Variants in SEMA6B observed in about 807,000 individuals in gnomAD.
SEMA6B encodes the protein semaphorin 6B.
In SEMA6B, 47 loss-of-function variants were observed where a neutral mutation model predicts 78.6. The observed-to-expected ratio is 0.60, with a 90% CI of 0.47 to 0.76. The LOEUF (loss-of-function observed/expected upper bound fraction) is 0.76, where lower values mean the gene tolerates loss of function less well. SEMA6B is among the 30% of genes least tolerant of loss of function. The pLI, the probability that SEMA6B is intolerant of heterozygous loss-of-function variation, is 0.00. For synonymous variants in SEMA6B, 632 were observed against 592.2 expected (o/e 1.07, Z -0.98); for missense variants, 1,213 against 1,269.9 (o/e 0.96, Z 0.68).
At chr19:4,556,873 C>T (rs1296882904) in intron 5 of SEMA6B, 78 bp downstream of exon 5, 2 of 1,368,860 alleles carry the variant, frequency 1.5e-6, no homozygotes, top group Non-Finnish European at 2.0e-6. Flanking sequence ...GTGGGCGTGG[C>T]CTGGTCTGAT....
At position 4,557,018 on chromosome 19, in the gene SEMA6B, A is replaced by G. The variant is rs1436101086; in HGVS notation, c.307-5T>C. 2.5e-6 allele frequency: 4 copies of G among 1,612,346 alleles called. No individual in the cohort carries two copies. In the East Asian group the frequency reaches 8.9e-5, roughly 36 times the overall value. On this transcript the variant is annotated splice_polypyrimidine_tract_variant and splice_region_variant and intron_variant, in intron 4 of 16. Coordinates refer to ENST00000586582, the MANE Select transcript of SEMA6B (RefSeq NM_032108.4). Reference sequence around the variant, plus strand: ...GTTAGATCTCCAGGTCAGCTTCTGCAGACAGAGAGAGCTGGTGAGGGGGTA... The same window carrying G: ...GTTAGATCTCCAGGTCAGCTTCTGCGGACAGAGAGAGCTGGTGAGGGGGTA...
At position 4,558,285 on chromosome 19, in the gene SEMA6B, C is replaced by T; in HGVS notation, c.121+52G>A. 7.6e-7 allele frequency: 1 copy of T among 1,310,782 alleles called. No individual in the cohort carries two copies. The highest frequency in any genetic ancestry group is 9.8e-7 in the Non-Finnish European group (1 of 1,019,900). 81.2% of individuals were successfully genotyped at this position (1,310,782 alleles called of 1,614,324 possible). On this transcript the variant is annotated intron_variant, in intron 2 of 16. Transcript: ENST00000586582. This position sits in a 1 kb window ranked among gnomAD's most constrained non-coding sequence, Gnocchi z 5.1. ...GGGGGCAGCAGACCCAACTGGGAAC[C>T]CAGATACTCCCACGGGACTCCACCC...
chr19:4,546,095 CTGA>C (rs1977156854), intron 16 of SEMA6B, 118 bp downstream of exon 16: 1 of 1,071,256 alleles, frequency 9.3e-7, no homozygotes, highest in South Asian at 1.6e-5. Context: ...CTAAAGTTCT[CTGA>C]TGGAGTCCAG....
rs1977281415 is a variant in SEMA6B, at chr19:4,550,088, C to T, written c.1271+35G>A. ...TCACCCTCCATCTACCCCATCCTGTCTCCCCTCGCCATGCCCTGCCTCTCC... is the reference window on the plus strand; with the variant it reads ...TCACCCTCCATCTACCCCATCCTGTTTCCCCTCGCCATGCCCTGCCTCTCC... On this transcript the variant is annotated intron_variant, in intron 12 of 16. Transcript: ENST00000586582. The surrounding 1 kb of genome is among the most constrained non-coding windows in gnomAD (Gnocchi z 6.6). 2 of 1,608,216 alleles carry T rather than the reference C, an allele frequency of 1.2e-6. No homozygotes were observed. Among genetic ancestry groups the T allele is most frequent in the African/African-American group, 1.3e-5 (1 of 74,850 alleles).
chr19:4,556,587 G>A (rs182257265), intron 5 of SEMA6B, among the ~76,000 whole-genome samples: 15 of 151,734 alleles, frequency 9.9e-5, no homozygotes, highest in Admixed American at 5.9e-4. Flanking sequence ...CGATTGGGTG[G>A]GGAGTGAGCT....
rs2145341156 is a variant in SEMA6B at position 4,543,557 on chromosome 19, G to T, written c.*44C>A. On this transcript the variant is annotated 3_prime_UTR_variant, in exon 17 of 17. Coordinates refer to ENST00000586582, the MANE Select transcript of SEMA6B (RefSeq NM_032108.4). ...CGTTCTGGCACCGTCTCTCGCTCCT[G>T]GTTCCCGTGGCTGGCACTGCCAAGG... 3.7e-6 allele frequency: 4 copies of T among 1,066,700 alleles called. 1 individual carries two copies. The South Asian group carries it at 1.9e-4, about 49-fold the overall frequency. The allele number at this position is 1,066,700 out of a possible 1,614,324, so 66.1% of individuals were successfully genotyped here.
chr19:4,543,412 G>A lies in SEMA6B; in HGVS notation c.*189C>T, dbSNP rs2145340918. The A allele has an allele frequency of 2.2e-5, 3 of 138,394 alleles. No individual in the cohort carries two copies. The highest frequency in any genetic ancestry group is 3.1e-3 in the Middle Eastern group (1 of 326). The allele number at this position is 138,394 out of a possible 1,614,324, so 8.6% of individuals were successfully genotyped here. On this transcript the variant is annotated 3_prime_UTR_variant, in exon 17 of 17. Coordinates refer to ENST00000586582, the MANE Select transcript of SEMA6B (RefSeq NM_032108.4). Reference sequence around the variant, plus strand: ...CCCCCAAACCGTCTCAGCGTCCTGCGGCCCCGGGTAGGGGGAGGGCGAGCT... The same window carrying A: ...CCCCCAAACCGTCTCAGCGTCCTGCAGCCCCGGGTAGGGGGAGGGCGAGCT...
Position 4,550,276 on chromosome 19 carries a change from G to A in SEMA6B, c.1122-4C>T, listed in dbSNP as rs1159277116. Reference sequence around the variant, plus strand: ...GGGGGCTGCGCAGCACCCGGGCCTGGGGGTGACAAGGGTGTGGTCAGGACG... The same window carrying A: ...GGGGGCTGCGCAGCACCCGGGCCTGAGGGTGACAAGGGTGTGGTCAGGACG... On this transcript the variant is annotated splice_region_variant and splice_polypyrimidine_tract_variant and intron_variant, in intron 11 of 16. Coordinates refer to ENST00000586582, the MANE Select transcript of SEMA6B (RefSeq NM_032108.4). This position sits in a 1 kb window ranked among gnomAD's most constrained non-coding sequence, Gnocchi z 6.6. The A allele has an allele frequency of 3.1e-6, 5 of 1,613,568 alleles. No homozygotes were observed. The highest frequency in any genetic ancestry group is 2.2e-5 in the South Asian group (2 of 91,088).
In SEMA6B at chr19:4,543,977, G is replaced by A. The variant is rs1160053425; in HGVS notation, c.2291C>T (p.Ala764Val). The A allele has an allele frequency of 1.7e-6, 2 of 1,204,048 alleles. No individual in the cohort carries two copies. Among genetic ancestry groups the A allele is most frequent in the African/African-American group, 1.6e-5 (1 of 62,972 alleles). The allele number at this position is 1,204,048 out of a possible 1,614,324, so 74.6% of individuals were successfully genotyped here. ...APARAPEQPP[A>V]PGEPTPDGRL... is the part of the protein sequence containing the mutation. The stretch of plus-strand genomic sequence containing the variant: ...GCCGTCGGGGGTCGGCTCCCCAGGC[G>A]CGGGGGGCTGCTCGGGGGCCCGGGC... Residue 764 changes from alanine (A) to valine (V), a missense_variant, in exon 17 of 17, where the codon GCG (alanine) becomes GTG (valine). Ala to Val is a moderately conservative substitution (Grantham distance 64, BLOSUM62 0). Transcript: ENST00000586582.
intron 5 of SEMA6B, 118 bp downstream of exon 5, chr19:4,556,833 G>A: frequency 3.3e-6 from 3 of 896,056 alleles, no homozygotes; most frequent in Non-Finnish European, 3.4e-6. Context: ...CTGATTGGGG[G>A]TGGGTTGGGG....
In SEMA6B at chr19:4,552,382, A is replaced by G. The variant is rs749074749; in HGVS notation, c.989+40T>C. On this transcript the variant is annotated intron_variant, in intron 10 of 16. Transcript: ENST00000586582. The surrounding 1 kb of genome is among the most constrained non-coding windows in gnomAD (Gnocchi z 7.4). ...ATACAGGCCCTCTCTACCCATGCCC[A>G]CCAAATGCTCCCAGTTTGCTCCCAT... 1.9e-6 allele frequency: 3 copies of G among 1,539,388 alleles called. No homozygotes were observed. The South Asian group carries it at 3.6e-5, about 18-fold the overall frequency.
chr19:4,554,897 T>C, intron 8 of SEMA6B, 79 bp downstream of exon 8: 1 of 1,527,074 alleles, frequency 6.5e-7, no homozygotes, highest in South Asian at 1.2e-5. Flanking sequence ...TCTGGGACTC[T>C]TATTCTGGTG....
rs1052120707 is a variant in SEMA6B at position 4,550,511 on chromosome 19, G to A, written c.1122-239C>T. Among the ~76,000 whole-genome samples, 18 of 152,068 alleles carry A rather than the reference G, an allele frequency of 1.2e-4. No individual in the cohort carries two copies. The highest frequency in any genetic ancestry group is 2.2e-4 in the African/African-American group (9 of 41,420). Reference sequence around the variant, plus strand: ...CCCGAGTGGCTGGGATTACAGGCACGTGCCATCACGCCCGGCTAATTTTTG... The same window carrying A: ...CCCGAGTGGCTGGGATTACAGGCACATGCCATCACGCCCGGCTAATTTTTG... On this transcript the variant is annotated intron_variant, in intron 11 of 16. Coordinates refer to ENST00000586582, the MANE Select transcript of SEMA6B (RefSeq NM_032108.4). This position sits in a 1 kb window ranked among gnomAD's most constrained non-coding sequence, Gnocchi z 6.6.
chr19:4,551,234 T>C (rs1288224730), intron 10 of SEMA6B, among the ~76,000 whole-genome samples: 1 of 151,080 alleles, frequency 6.6e-6, no homozygotes, highest in East Asian at 2.0e-4. Flanking sequence ...TTTTTTTTTT[T>C]TTGGAGACCG....
chr19:4,553,955 G>A (rs1318623350), intron 9 of SEMA6B, among the ~76,000 whole-genome samples: 3 of 152,068 alleles, frequency 2.0e-5, no homozygotes, highest in African/African-American at 2.4e-5. Flanking sequence ...ATGAGTGCAC[G>A]GATGGATGGT....
At position 4,555,873 on chromosome 19, in the gene SEMA6B, C is replaced by A; in HGVS notation, c.471+115G>T. On this transcript the variant is annotated intron_variant, in intron 6 of 16. Transcript: ENST00000586582. This position sits in a 1 kb window ranked among gnomAD's most constrained non-coding sequence, Gnocchi z 6.1. ...GGGGAGGAGGCAGGGAGAGTATATC[C>A]AGGAAGGCTTCCTGGAGGAGGTGAC... The A allele has an allele frequency of 2.3e-6, 2 of 855,880 alleles. No homozygotes were observed. The allele number at this position is 855,880 out of a possible 1,614,324, so 53.0% of individuals were successfully genotyped here.
Position 4,557,146 on chromosome 19 carries a change from C to CT in SEMA6B, c.306+16dup, listed in dbSNP as rs757363039. Reference sequence around the variant, plus strand: ...CCTGGCCCTACCCCTCCACTCCCACCTGCACCCCTTCCTCACCCTCTGGTA... The same window carrying CT: ...CCTGGCCCTACCCCTCCACTCCCACCTTGCACCCCTTCCTCACCCTCTGGTA... On this transcript the variant is annotated intron_variant, in intron 4 of 16. Transcript: ENST00000586582. 4.3e-6 allele frequency: 7 copies of CT among 1,609,304 alleles called. No homozygotes were observed. In the African/African-American group the frequency reaches 9.4e-5, roughly 22 times the overall value.
Position 4,543,374 on chromosome 19 carries a change from T to TGGGGGGGGGGGCCCCC in SEMA6B, c.*226_*227insGGGGGCCCCCCCCCCC. 2.8e-6 allele frequency: 1 copy of TGGGGGGGGGGGCCCCC among 363,598 alleles called. No individual in the cohort carries two copies. Among genetic ancestry groups the TGGGGGGGGGGGCCCCC allele is most frequent in the Non-Finnish European group, 4.8e-6 (1 of 208,180 alleles). The allele number at this position is 363,598 out of a possible 1,614,324, so 22.5% of individuals were successfully genotyped here. On this transcript the variant is annotated 3_prime_UTR_variant, in exon 17 of 17. Transcript: ENST00000586582. ...CAACCTCAAATCCATAGCAAAGTCC[T>TGGGGGGGGGGGCCCCC]CCCGCCCACCCACCCCCAAACCGTC...
Position 4,555,280 on chromosome 19 carries a change from C to G in SEMA6B, c.563-185G>C, listed in dbSNP as rs546361786. ...GCCCTGACCTTAACTGAGCCCCTGA[C>G]CCCGGCTAAGCCCCAAATCCCGCTG... On this transcript the variant is annotated intron_variant, in intron 7 of 16. Coordinates refer to ENST00000586582, the MANE Select transcript of SEMA6B (RefSeq NM_032108.4). The surrounding 1 kb of genome is among the most constrained non-coding windows in gnomAD (Gnocchi z 6.1). 2.6e-4 allele frequency among the ~76,000 whole-genome samples: 40 copies of G among 152,284 alleles called. No homozygotes were observed. Among genetic ancestry groups the G allele is most frequent in the Middle Eastern group, 6.8e-3 (2 of 294 alleles).
Sources: gnomAD v4.1 joint callset for allele counts (sites outside exome capture counted in the v4.1 genomes callset) on GRCh38, gnomAD v4.1.1 for gene constraint, Gnocchi (gnomAD v3.1) non-coding constraint, MANE v1.5 for transcripts, NCBI Gene and HGNC (gene_info 2026-07-23, HGNC 2026-07-21) for gene names.